The following MYLK variants were observed in gnomAD, a reference collection of about 807,000 sequenced individuals.
MYLK encodes myosin light chain kinase, smooth muscle.
In MYLK, 106 loss-of-function variants were observed where a neutral mutation model predicts 203.4. The ratio of observed to expected loss-of-function variants is 0.52; its 90% CI spans 0.45 to 0.61. The LOEUF (loss-of-function observed/expected upper bound fraction) is 0.61. MYLK is among the 20% of genes least tolerant of loss of function. MYLK has a pLI of 0.00. For synonymous variants in MYLK, 867 were observed against 959.5 expected (o/e 0.90, Z 1.78); for missense variants, 2,072 against 2,442.3 (o/e 0.85, Z 3.20).
intron 3 of MYLK, among the ~76,000 whole-genome samples, chr3:123,809,458 G>A (rs1461510191): frequency 7.9e-5 from 12 of 152,096 alleles, no homozygotes; most frequent in Non-Finnish European, 1.8e-4. Flanking sequence ...CCCAGGAGGC[G>A]GAAGTTGTGG....
At chr3:123,843,835 T>C (rs544071440) in intron 2 of MYLK, among the ~76,000 whole-genome samples, 19 of 152,310 alleles carry the variant, frequency 1.2e-4, no homozygotes, top group Middle Eastern at 6.8e-3. Flanking sequence ...TTTCTGTTTT[T>C]TAAGCCTCTG....
chr3:123,718,959 G>A (rs1345953879), intron 13 of MYLK, among the ~76,000 whole-genome samples: 9 of 152,238 alleles, frequency 5.9e-5, no homozygotes, highest in Non-Finnish European at 1.2e-4. Flanking sequence ...AGAAGCACAC[G>A]GTGTTCAGGG....
intron 2 of MYLK, among the ~76,000 whole-genome samples, chr3:123,832,216 C>G (rs1485806328): frequency 6.6e-6 from 1 of 152,226 alleles, no homozygotes; most frequent in Non-Finnish European, 1.5e-5. Flanking sequence ...CTGATATGCT[C>G]TGTTCCCCCA....
chr3:123,877,900 A>G (rs543328996), intron 1 of MYLK, among the ~76,000 whole-genome samples: 1 of 152,368 alleles, frequency 6.6e-6, no homozygotes, highest in Non-Finnish European at 1.5e-5. Context: ...TTGGCTGGAA[A>G]GATGCATAAA....
At chr3:123,684,650 G>GT (rs2060387483) in intron 19 of MYLK, among the ~76,000 whole-genome samples, 2 of 152,144 alleles carry the variant, frequency 1.3e-5, no homozygotes, top group Admixed American at 6.5e-5. Flanking sequence ...AGGTTCAAGT[G>GT]ATTCTCATGC....
At chr3:123,708,672 ACTCG>A in intron 15 of MYLK, 22 bp downstream of exon 15, 1 of 1,613,106 alleles carries the variant, frequency 6.2e-7, no homozygotes, top group Non-Finnish European at 8.5e-7. Flanking sequence ...TCTCCTTCCC[ACTCG>A]CTCTGAGTGG....
chr3:123,857,868 C>G (rs1027945048), intron 2 of MYLK, among the ~76,000 whole-genome samples: 2 of 152,066 alleles, frequency 1.3e-5, no homozygotes, highest in African/African-American at 4.8e-5. Flanking sequence ...ACTAAGTTTT[C>G]AATCCTGGGG....
intron 24 of MYLK, among the ~76,000 whole-genome samples, chr3:123,653,936 C>T (rs1387786663): frequency 6.6e-6 from 1 of 152,006 alleles, no homozygotes; most frequent in Non-Finnish European, 1.5e-5. Flanking sequence ...GATTGCCCCC[C>T]TGGGACCCAC....
At chr3:123,672,939 A>G (rs1406430099) in intron 20 of MYLK, among the ~76,000 whole-genome samples, 4 of 152,158 alleles carry the variant, frequency 2.6e-5, no homozygotes, top group Non-Finnish European at 5.9e-5. Flanking sequence ...AATCAAACAC[A>G]GCAGGGAGTA....
rs532619561 is a variant in MYLK at position 123,881,111 on chromosome 3, C to T, written c.-186+3095G>A. 2.4e-4 allele frequency among the ~76,000 whole-genome samples: 36 copies of T among 152,216 alleles called. No individual in the cohort carries two copies. In the East Asian group the frequency reaches 4.3e-3, roughly 18 times the overall value. On this transcript the variant is annotated intron_variant, in intron 1 of 33. Transcript: ENST00000360304. Reference sequence around the variant, plus strand: ...GTGGCTTGTATGGGCACTGCTTCCCCGCACAACCATGTCTGCCTGCTTGTA... The same window carrying T: ...GTGGCTTGTATGGGCACTGCTTCCCTGCACAACCATGTCTGCCTGCTTGTA...
intron 23 of MYLK, among the ~76,000 whole-genome samples, chr3:123,661,840 CT>C (rs1448827330): frequency 6.6e-6 from 1 of 152,224 alleles, no homozygotes; most frequent in Non-Finnish European, 1.5e-5. Flanking sequence ...CAGGGACAAT[CT>C]TCCAGGGGGC....
At chr3:123,827,647 AATGCTCAAGGG>A (rs2066164887) in intron 3 of MYLK, among the ~76,000 whole-genome samples, 1 of 140,372 alleles carries the variant, frequency 7.1e-6, no homozygotes, top group Non-Finnish European at 1.5e-5. Flanking sequence ...CCTTACAAGA[AATGCTCAAGGG>A]ATTCTTACAT....
chr3:123,627,370 A>T (rs2058198366), intron 30 of MYLK, among the ~76,000 whole-genome samples: 1 of 152,228 alleles, frequency 6.6e-6, no homozygotes, highest in African/African-American at 2.4e-5. Context: ...ATCCTAGGAT[A>T]AAATCTCCGA....
In MYLK at chr3:123,610,436, G is replaced by C. The variant is rs2057223128; in HGVS notation, c.*3669C>G. On this transcript the variant is annotated 3_prime_UTR_variant, in exon 34 of 34. Transcript: ENST00000360304. The stretch of plus-strand genomic sequence containing the variant: ...CCATTTTGGGTTGGCTAGAGACCCA[G>C]ATGGCTGCAGCAGCCACCATCTCAT... 2 of 152,136 alleles carry C rather than the reference G, an allele frequency of 1.3e-5. No individual in the cohort carries two copies. Among genetic ancestry groups the C allele is most frequent in the South Asian group, 4.2e-4 (2 of 4,816 alleles). 9.4% of individuals were successfully genotyped at this position (152,136 alleles called of 1,614,324 possible). A position where few individuals can be genotyped will look rare whatever the true frequency, so the allele number is the denominator to read the frequency against.
intron 2 of MYLK, among the ~76,000 whole-genome samples, chr3:123,853,162 A>G (rs1057151585): frequency 2.0e-5 from 3 of 151,966 alleles, no homozygotes; most frequent in East Asian, 1.9e-4. Flanking sequence ...TTTTTATACA[A>G]TGAGTTGGGC....
rs1256278976 is a variant in MYLK, at chr3:123,861,147, C to A, written c.-127+15412G>T. Reference sequence around the variant, plus strand: ...CCTGTCTCAAAAAAAAAACAAAAAACAAAAAAAAAAAACTGATTGGACACT... The same window carrying A: ...CCTGTCTCAAAAAAAAAACAAAAAAAAAAAAAAAAAAACTGATTGGACACT... On this transcript the variant is annotated intron_variant, in intron 2 of 33. Transcript: ENST00000360304. Among the ~76,000 whole-genome samples, 775 of 139,998 alleles carry A rather than the reference C, an allele frequency of 5.5e-3. 8 individuals are homozygous for A. Among genetic ancestry groups the A allele is most frequent in the African/African-American group, 0.017 (651 of 38,464 alleles). 91.8% of individuals were successfully genotyped at this position (139,998 alleles called of 152,430 possible).
intron 23 of MYLK, among the ~76,000 whole-genome samples, chr3:123,662,834 C>T (rs1560035938): frequency 6.6e-6 from 1 of 152,174 alleles, no homozygotes; most frequent in Non-Finnish European, 1.5e-5. Context: ...GCATCTGGGC[C>T]AACCTGTCCT....
At chr3:123,761,719 T>C (rs2063540778) in intron 4 of MYLK, among the ~76,000 whole-genome samples, 1 of 152,098 alleles carries the variant, frequency 6.6e-6, no homozygotes. Flanking sequence ...AAAACCCAGA[T>C]CTTTATTAAA....
intron 16 of MYLK, among the ~76,000 whole-genome samples, chr3:123,704,815 G>A (rs1321096363): frequency 2.6e-5 from 4 of 151,854 alleles, no homozygotes; most frequent in South Asian, 4.2e-4. Context: ...AGCTACTCAG[G>A]AGGCTGAGGC....
Sources: gnomAD v4.1 joint callset for allele counts (sites outside exome capture counted in the v4.1 genomes callset) on GRCh38, gnomAD v4.1.1 for gene constraint, MANE v1.5 for transcripts, NCBI Gene and HGNC (gene_info 2026-07-23, HGNC 2026-07-21) for gene names.